The following SMPX variants were observed in gnomAD, a reference collection of about 807,000 sequenced individuals.
SMPX encodes the protein small muscle protein X-linked, also known as small muscular protein.
SMPX carries 2 observed loss-of-function variants against 6.3 expected under a neutral mutation model. That is an observed-to-expected ratio of 0.32 (90% CI 0.13 to 0.99). The LOEUF (loss-of-function observed/expected upper bound fraction) is 0.99. Ranked by LOEUF, SMPX falls within the 50% of genes least tolerant of loss-of-function variation. The probability of loss-of-function intolerance (pLI) is 0.49; values close to 1 mark genes in which losing one functional copy is unlikely to be tolerated. For missense variants in SMPX, 60 were observed against 66.8 expected (o/e 0.90, Z 0.36); for synonymous variants, 32 against 24.7 (o/e 1.30, Z -0.88).
chrX:21,720,686 G>C (rs1210405659), intron 4 of SMPX, among the ~76,000 whole-genome samples: 1 of 111,731 alleles, frequency 9.0e-6, no homozygotes, highest in Admixed American at 9.5e-5. Context: ...ATATTGCTTG[G>C]GCATTTATGA....
chrX:21,739,020 C>T (rs1052796684), intron 3 of SMPX, among the ~76,000 whole-genome samples: 4 of 111,240 alleles, frequency 3.6e-5, no homozygotes, highest in Admixed American at 1.9e-4. Flanking sequence ...TGAACCAATA[C>T]AGTTCCCGGG....
At chrX:21,716,162 G>C (rs973785191) in intron 4 of SMPX, among the ~76,000 whole-genome samples, 10 of 112,239 alleles carry the variant, frequency 8.9e-5, no homozygotes, top group African/African-American at 3.2e-4. Flanking sequence ...CTTATACCTC[G>C]TCTCACAGTG....
chrX:21,748,952 A>G (rs1362538876), intron 2 of SMPX, among the ~76,000 whole-genome samples: 1 of 112,118 alleles, frequency 8.9e-6, no homozygotes, highest in African/African-American at 3.2e-5. Flanking sequence ...AATCCTACAC[A>G]GGAAATACTT....
intron 4 of SMPX, among the ~76,000 whole-genome samples, chrX:21,726,570 CTA>C (rs1223317999): frequency 2.7e-5 from 3 of 111,774 alleles, no homozygotes; most frequent in Non-Finnish European, 5.6e-5. Context: ...GATATACACA[CTA>C]TGTGATTCAG....
intron 1 of SMPX, among the ~76,000 whole-genome samples, chrX:21,756,879 T>A (rs1195026535): frequency 8.9e-6 from 1 of 112,531 alleles, no homozygotes; most frequent in Non-Finnish European, 1.9e-5. Context: ...TATTGACTTT[T>A]ACAAAGCCTA....
chrX:21,711,262 G>A (rs1410423885), intron 4 of SMPX, among the ~76,000 whole-genome samples: 3 of 111,652 alleles, frequency 2.7e-5, no homozygotes, highest in Non-Finnish European at 5.6e-5. Flanking sequence ...GGGATCCAGA[G>A]CTAAAATTGC....
chrX:21,724,274 A>G (rs2092794694), intron 4 of SMPX, among the ~76,000 whole-genome samples: 1 of 111,972 alleles, frequency 8.9e-6, no homozygotes, highest in Non-Finnish European at 1.9e-5. Flanking sequence ...TTTGTTTGCC[A>G]CCTGATCTTT....
rs958120043 is a variant in SMPX, at chrX:21,757,454, G to A, written c.-13+488C>T. On this transcript the variant is annotated intron_variant, in intron 1 of 4. Coordinates refer to ENST00000379494, the MANE Select transcript of SMPX (RefSeq NM_014332.3). ...AAGATGGTTCTATCATTGATAGAACGTTATCATTGAGACCAAGCCTGGTGC... is the reference window on the plus strand; with the variant it reads ...AAGATGGTTCTATCATTGATAGAACATTATCATTGAGACCAAGCCTGGTGC... Among the ~76,000 whole-genome samples, 10 of 111,862 alleles carry A rather than the reference G, an allele frequency of 8.9e-5. No homozygotes were observed. The East Asian group carries it at 2.5e-3, about 28-fold the overall frequency.
intron 4 of SMPX, chrX:21,733,736 A>G (rs1187043295): frequency 3.0e-6 from 1 of 328,621 alleles, no homozygotes. Context: ...CAATTCTTTG[A>G]TATCACTGAG....
rs1270247814 is a variant in SMPX at position 21,737,536 on chromosome X, G to C, written c.*14+13C>G. On this transcript the variant is annotated intron_variant, in intron 4 of 4. Coordinates refer to ENST00000379494, the MANE Select transcript of SMPX (RefSeq NM_014332.3). ...AGGACTTTTTGAGACAAAGAAGATA[G>C]TTTTTCACTCACCTTTTTTCTTCCT... is the stretch of plus-strand genomic sequence containing the variant. 8.3e-7 allele frequency: 1 copy of C among 1,198,529 alleles called. No homozygotes were observed. The highest frequency in any genetic ancestry group is 1.1e-6 in the Non-Finnish European group (1 of 884,344).
intron 4 of SMPX, among the ~76,000 whole-genome samples, chrX:21,713,031 C>T (rs1001825085): frequency 1.8e-5 from 2 of 112,134 alleles, no homozygotes; most frequent in Non-Finnish European, 3.8e-5. Flanking sequence ...CTGGAAAGCA[C>T]ATTGTCATAG....
In SMPX at chrX:21,741,692, C is replaced by T. The variant is rs998184787; in HGVS notation, c.132+2058G>A. ...AAAGAAATACCATCACTAGCTCCAC[C>T]CTTCTGCCCAATGAGCTCTATGAGA... On this transcript the variant is annotated intron_variant, in intron 3 of 4. Coordinates refer to ENST00000379494, the MANE Select transcript of SMPX (RefSeq NM_014332.3). 9.9e-5 allele frequency among the ~76,000 whole-genome samples: 11 copies of T among 111,358 alleles called. No homozygotes were observed. In the South Asian group the frequency reaches 4.2e-3, roughly 43 times the overall value.
chrX:21,707,926 CAT>C (rs1043117229), intron 4 of SMPX, among the ~76,000 whole-genome samples: 5 of 112,473 alleles, frequency 4.4e-5, no homozygotes, highest in African/African-American at 1.6e-4. Context: ...GGCCAAAACA[CAT>C]GAGTTAGAAT....
At chrX:21,741,853 A>G (rs2092816402) in intron 3 of SMPX, among the ~76,000 whole-genome samples, 1 of 112,312 alleles carries the variant, frequency 8.9e-6, no homozygotes, top group Non-Finnish European at 1.9e-5. Context: ...CCTCCATCCT[A>G]TGAAAAATAC....
intron 3 of SMPX, among the ~76,000 whole-genome samples, 166 bp from the exon 4 acceptor site, chrX:21,737,863 A>C (rs1439896512): frequency 8.9e-6 from 1 of 112,646 alleles, no homozygotes; most frequent in Non-Finnish European, 1.9e-5. Context: ...AGTTTCAATA[A>C]AATCTCCTAA....
At chrX:21,715,612 G>A (rs1318150369) in intron 4 of SMPX, among the ~76,000 whole-genome samples, 1 of 110,983 alleles carries the variant, frequency 9.0e-6, no homozygotes, top group African/African-American at 3.3e-5. Flanking sequence ...CTGGGGAGAG[G>A]CCTGAGACCA....
intron 3 of SMPX, among the ~76,000 whole-genome samples, chrX:21,743,138 G>GA (rs1000986384): frequency 1.5e-4 from 17 of 111,659 alleles, no homozygotes; most frequent in Admixed American, 7.6e-4. Flanking sequence ...TTAGAAAGAG[G>GA]AAAAAATACA....
chrX:21,712,022 T>C (rs901952868), intron 4 of SMPX, among the ~76,000 whole-genome samples: 18 of 111,908 alleles, frequency 1.6e-4, no homozygotes, highest in Non-Finnish European at 2.4e-4. Flanking sequence ...CTAAGGAAGG[T>C]GGTGCAAGCT....
At chrX:21,731,751 C>T (rs1001433408) in intron 4 of SMPX, among the ~76,000 whole-genome samples, 3 of 102,061 alleles carry the variant, frequency 2.9e-5, no homozygotes, top group Non-Finnish European at 6.0e-5. Context: ...TATATGTACA[C>T]ATTTGTGTGT....
Sources: gnomAD v4.1 joint callset for allele counts (sites outside exome capture counted in the v4.1 genomes callset) on GRCh38, gnomAD v4.1.1 for gene constraint, MANE v1.5 for transcripts, NCBI Gene and HGNC (gene_info 2026-07-23, HGNC 2026-07-21) for gene names.